The following ADD3 variants were observed in gnomAD, a reference collection of about 807,000 sequenced individuals.
ADD3 encodes the protein adducin 3.
ADD3 carries 25 observed loss-of-function variants against 80.2 expected under a neutral mutation model. The observed-to-expected ratio is 0.31, with a 90% confidence interval of 0.23 to 0.44. ADD3 has a LOEUF of 0.44. ADD3 is among the 20% of genes least tolerant of loss of function. The pLI is 1.00. For synonymous variants in ADD3, 284 were observed against 289.6 expected, an observed-to-expected ratio of 0.98 and a Z score of 0.20; for missense variants, 829 against 847.5, an observed-to-expected ratio of 0.98 and a Z score of 0.27.
intron 1 of ADD3, among the ~76,000 whole-genome samples, chr10:110,033,922 T>C (rs1367366475): frequency 6.6e-6 from 1 of 152,246 alleles, no homozygotes; most frequent in East Asian, 1.9e-4. Context: ...GTGCCAAATA[T>C]GTTTGGGAAA....
intron 1 of ADD3, among the ~76,000 whole-genome samples, chr10:110,092,795 A>AC (rs1554944226): frequency 0.011 from 1,733 of 151,752 alleles, 29 homozygotes; most frequent in African/African-American, 0.036. Context: ...GAAAAAAAAA[A>AC]CCCCTCAGTT....
At chr10:110,074,542 A>G (rs993809461) in intron 1 of ADD3, among the ~76,000 whole-genome samples, 3 of 151,482 alleles carry the variant, frequency 2.0e-5, no homozygotes, top group Non-Finnish European at 2.9e-5. Context: ...GGCCCTTAGG[A>G]CAATGAATTC....
At chr10:110,128,150 A>C (rs1304645954) in intron 12 of ADD3, among the ~76,000 whole-genome samples, 1 of 148,536 alleles carries the variant, frequency 6.7e-6, no homozygotes, top group Non-Finnish European at 1.5e-5. Context: ...CTTTTTTCTA[A>C]GTAATTAGTA....
At chr10:110,111,769 G>A (rs1479564615) in intron 2 of ADD3, among the ~76,000 whole-genome samples, 1 of 152,076 alleles carries the variant, frequency 6.6e-6, no homozygotes, top group African/African-American at 2.4e-5. Flanking sequence ...TACAAAATTA[G>A]CCGGGTGGTG....
intron 8 of ADD3, chr10:110,119,767 C>T (rs1458899216): frequency 7.8e-6 from 4 of 510,736 alleles, no homozygotes; most frequent in Non-Finnish European, 1.0e-5. Context: ...TTTTCTCACA[C>T]ACAATCTAAG....
rs185887443 is a variant in ADD3, at chr10:110,048,353, G to A, written c.-30+40054G>A. Among the ~76,000 whole-genome samples, 3 of 152,296 alleles carry A rather than the reference G, an allele frequency of 2.0e-5. No homozygotes were observed. The East Asian group carries it at 5.8e-4, about 29-fold the overall frequency. ...TACTGTAAATTGGCACCAGGAGTGG[G>A]GTGCTGCTGTAAAGATGCCCAAAAA... is the stretch of plus-strand genomic sequence containing the variant. On this transcript the variant is annotated intron_variant, in intron 1 of 14. Coordinates refer to ENST00000356080, the MANE Select transcript of ADD3 (RefSeq NM_016824.5).
At chr10:110,068,297 C>T (rs1332229506) in intron 1 of ADD3, among the ~76,000 whole-genome samples, 2 of 152,182 alleles carry the variant, frequency 1.3e-5, no homozygotes, top group Non-Finnish European at 2.9e-5. Context: ...CTCCCCCCCT[C>T]CTTTCTCTGA....
intron 1 of ADD3, among the ~76,000 whole-genome samples, chr10:110,096,478 C>G (rs555378959): frequency 1.3e-5 from 2 of 152,284 alleles, no homozygotes; most frequent in East Asian, 3.9e-4. Flanking sequence ...GAAACAACAA[C>G]AAAAACAAAG....
chr10:110,118,073 C>A (rs1053498893), intron 5 of ADD3, among the ~76,000 whole-genome samples: 10 of 137,568 alleles, frequency 7.3e-5, no homozygotes, highest in Non-Finnish European at 1.2e-4. Context: ...CACACACACA[C>A]AATGTTCATA....
chr10:110,109,459 T>G (rs1849744854), intron 2 of ADD3, among the ~76,000 whole-genome samples: 1 of 152,246 alleles, frequency 6.6e-6, no homozygotes. Flanking sequence ...CATTTTAATC[T>G]GTGGAAGCTG....
intron 1 of ADD3, chr10:109,996,510 G>A (rs2133657117): frequency 6.6e-6 from 1 of 152,336 alleles, no homozygotes; most frequent in East Asian, 1.9e-4. Context: ...GGGGAAGGAG[G>A]AAGGTCAACA....
intron 1 of ADD3, among the ~76,000 whole-genome samples, chr10:110,078,332 A>G (rs1845618240): frequency 2.6e-5 from 4 of 152,208 alleles, no homozygotes; most frequent in African/African-American, 9.7e-5. Context: ...TTTTCTTTGT[A>G]AAGACACATG....
At chr10:110,040,224 T>C (rs942464635) in intron 1 of ADD3, among the ~76,000 whole-genome samples, 2 of 152,096 alleles carry the variant, frequency 1.3e-5, no homozygotes, top group Non-Finnish European at 2.9e-5. Flanking sequence ...CATAAAGATA[T>C]GTTAGACATT....
rs1217733559 is a variant in ADD3, at chr10:110,065,539, C to CTTTTTTTT, written c.-29-35075_-29-35068dup. Among the ~76,000 whole-genome samples, 148 of 31,168 alleles carry CTTTTTTTT rather than the reference C, an allele frequency of 4.7e-3. 43 individuals carry two copies. In the Middle Eastern group the frequency reaches 0.065, roughly 14 times the overall value. The allele number at this position is 31,168 out of a possible 152,430, so 20.4% of individuals were successfully genotyped here. On this transcript the variant is annotated intron_variant, in intron 1 of 14. Coordinates refer to ENST00000356080, the MANE Select transcript of ADD3 (RefSeq NM_016824.5). ...TTTTTTCTTAGCCTCTCTCTCTCCCCTTTTTTTTTTTTTTTTTTGAGAAAG... is the reference window on the plus strand; with the variant it reads ...TTTTTTCTTAGCCTCTCTCTCTCCCCTTTTTTTTTTTTTTTTTTTTTTTTTTGAGAAAG...
intron 1 of ADD3, among the ~76,000 whole-genome samples, chr10:109,998,713 G>A (rs1039612064): frequency 5.3e-5 from 8 of 151,932 alleles, no homozygotes; most frequent in African/African-American, 1.9e-4. Flanking sequence ...TACCAAACTT[G>A]TTCCTGCCTC....
At chr10:110,045,218 G>C (rs889772411) in intron 1 of ADD3, among the ~76,000 whole-genome samples, 2 of 152,190 alleles carry the variant, frequency 1.3e-5, no homozygotes, top group Non-Finnish European at 2.9e-5. Flanking sequence ...GCTGGGCATG[G>C]TGGCGTGCGC....
At chr10:110,049,367 A>G (rs1857242225) in intron 1 of ADD3, among the ~76,000 whole-genome samples, 1 of 152,152 alleles carries the variant, frequency 6.6e-6, no homozygotes, top group Non-Finnish European at 1.5e-5. Flanking sequence ...CTGTGAGAAG[A>G]GGGCCACTGT....
chr10:110,029,011 C>G (rs1161795854), intron 1 of ADD3, among the ~76,000 whole-genome samples: 2 of 151,984 alleles, frequency 1.3e-5, no homozygotes, highest in African/African-American at 2.4e-5. Context: ...TCCCGAGTAG[C>G]TGGGATTACA....
intron 2 of ADD3, among the ~76,000 whole-genome samples, chr10:110,106,525 G>A (rs1211726157): frequency 6.6e-6 from 1 of 151,910 alleles, no homozygotes; most frequent in Non-Finnish European, 1.5e-5. Flanking sequence ...TATATTCTTA[G>A]CCTACATGAA....
Sources: gnomAD v4.1 joint callset for allele counts (sites outside exome capture counted in the v4.1 genomes callset) on GRCh38, gnomAD v4.1.1 for gene constraint, MANE v1.5 for transcripts, NCBI Gene and HGNC (gene_info 2026-07-23, HGNC 2026-07-21) for gene names.